Variants in ZIC3 observed in about 807,000 individuals in gnomAD.
ZIC3 encodes zinc finger protein ZIC 3.
A neutral mutation model predicts 18.3 loss-of-function variants in ZIC3; 6 were observed. The observed-to-expected ratio is 0.33, with a 90% CI of 0.18 to 0.65. The LOEUF is 0.65. ZIC3 is among the 30% of genes least tolerant of loss of function. The pLI, the probability that ZIC3 is intolerant of heterozygous loss-of-function variation, is 0.75. For synonymous variants in ZIC3, 175 were observed against 177.0 expected, an observed-to-expected ratio of 0.99 and a Z score of 0.09; for missense variants, 260 against 410.0, an observed-to-expected ratio of 0.63 and a Z score of 3.16.
At chrX:137,568,247 G>T (rs1278025388) in intron 1 of ZIC3, among the ~76,000 whole-genome samples, 1 of 111,925 alleles carries the variant, frequency 8.9e-6, no homozygotes, top group Non-Finnish European at 1.9e-5. Context: ...GGAGTTCCAG[G>T]TTCAATTCAG....
downstream of ZIC3, among the ~76,000 whole-genome samples, chrX:137,576,439 G>A (rs985378683): frequency 1.8e-5 from 2 of 111,758 alleles, no homozygotes; most frequent in African/African-American, 6.5e-5. Context: ...ATTTGACATG[G>A]TAAAACTGGT....
chrX:137,568,375 T>TATCTATC (rs1556030127), intron 1 of ZIC3, among the ~76,000 whole-genome samples: 1 of 110,734 alleles, frequency 9.0e-6, no homozygotes, highest in Non-Finnish European at 1.9e-5. Flanking sequence ...TCTATCTATC[T>TATCTATC]ATCTATCTAT....
intron 2 of ZIC3, chrX:137,577,109 GT>G: frequency 2.0e-6 from 1 of 506,236 alleles, no homozygotes; most frequent in Non-Finnish European, 3.6e-6. Context: ...TTCACTTTTT[GT>G]TTTTTTGCCA....
In ZIC3 at chrX:137,566,472, A is replaced by ACCCC; in HGVS notation, c.-219_-218insCCCC. On this transcript the variant is annotated 5_prime_UTR_variant, in exon 1 of 3. Transcript: ENST00000287538. ...CTCCTCCCTCCTCCTCCCCCCGCCA[A>ACCCC]CACCCCCTCCCTGCTCTTTCTTCCC... 4 of 151,011 alleles carry ACCCC rather than the reference A, an allele frequency of 2.6e-5. No individual in the cohort carries two copies. Among genetic ancestry groups the ACCCC allele is most frequent in the South Asian group, 1.3e-4 (1 of 7,874 alleles). 12.4% of individuals were successfully genotyped at this position (151,011 alleles called of 1,213,427 possible).
exon 3 of ZIC3, chrX:137,577,412 G>A (rs1014209582): frequency 1.5e-5 from 5 of 325,893 alleles, no homozygotes; most frequent in Non-Finnish European, 2.7e-5. Flanking sequence ...GCAATCATTT[G>A]TGAAATGAAA....
Position 137,570,088 on chromosome X carries a change from G to T in ZIC3, c.*18G>T, listed in dbSNP as rs1353226105. 8.3e-7 allele frequency: 1 copy of T among 1,205,158 alleles called. No individual in the cohort carries two copies. The highest frequency in any genetic ancestry group is 1.7e-5 in the African/African-American group (1 of 57,640). The stretch of plus-strand genomic sequence containing the variant: ...ACGTCTGAGGACAAACACAAACCCT[G>T]TTAATTATAGAATGGACCAAATACA... On this transcript the variant is annotated 3_prime_UTR_variant, in exon 3 of 3. Transcript: ENST00000287538.
At chrX:137,569,252 A>G (rs1347539186) in intron 2 of ZIC3, among the ~76,000 whole-genome samples, 187 bp downstream of exon 2, 1 of 103,582 alleles carries the variant, frequency 9.7e-6, no homozygotes, top group Non-Finnish European at 2.0e-5. Context: ...GGCGGGAGTG[A>G]GCAAAGTTGG....
rs1163015907 is a variant in ZIC3 at position 137,570,885 on chromosome X, C to G, written c.*815C>G. On this transcript the variant is annotated 3_prime_UTR_variant, in exon 3 of 3. Coordinates refer to ENST00000287538, the MANE Select transcript of ZIC3 (RefSeq NM_003413.4). ...TCTCTTGTTTTGTAACAGCCTTCTT[C>G]TACAAAGAGGAGATGTGAGCAAATT... The G allele has an allele frequency of 8.9e-6, 1 of 112,887 alleles. No individual in the cohort carries two copies. The highest frequency in any genetic ancestry group is 3.2e-5 in the African/African-American group (1 of 30,969). The allele number at this position is 112,887 out of a possible 1,213,427, so 9.3% of individuals were successfully genotyped here. A position where few individuals can be genotyped will look rare whatever the true frequency, so the allele number is the denominator to read the frequency against.
At chrX:137,573,121 G>C (rs759621882), downstream of ZIC3, among the ~76,000 whole-genome samples, 133 of 70,191 alleles carry the variant, frequency 1.9e-3, no homozygotes, top group African/African-American at 7.4e-3. Context: ...CAACCTTAGA[G>C]AGTAAGTACC....
chrX:137,577,426 C>A, exon 3 of ZIC3: 2 of 327,748 alleles, frequency 6.1e-6, no homozygotes, highest in African/African-American at 2.6e-5. Context: ...AATGAAAAAG[C>A]AAAAAAACTC....
In ZIC3 at chrX:137,566,754, G is replaced by A; in HGVS notation, c.63G>A (p.Ala21=). The A allele has an allele frequency of 8.4e-7, 1 of 1,190,184 alleles. No individual in the cohort carries two copies. The highest frequency in any genetic ancestry group is 1.1e-6 in the Non-Finnish European group (1 of 886,083). ...FPGLGVGSFG[A]PRHHEMPNRE... ...GGCTGGGAGTGGGCAGCTTCGGCGCGCCGCGCCACCACGAGATGCCCAACC... is the reference window on the plus strand; with the variant it reads ...GGCTGGGAGTGGGCAGCTTCGGCGCACCGCGCCACCACGAGATGCCCAACC... Residue 21 remains alanine, a synonymous_variant, in exon 1 of 3, where the codon GCG becomes GCA. Coordinates refer to ENST00000287538, the MANE Select transcript of ZIC3 (RefSeq NM_003413.4).
downstream of ZIC3, among the ~76,000 whole-genome samples, chrX:137,574,880 T>C (rs892809293): frequency 6.2e-5 from 7 of 112,295 alleles, no homozygotes; most frequent in Non-Finnish European, 1.1e-4. Context: ...CGCGGGGGAA[T>C]GTAGGTCGTG....
At chrX:137,575,334 T>C (rs975302890), downstream of ZIC3, among the ~76,000 whole-genome samples, 19 of 111,496 alleles carry the variant, frequency 1.7e-4, no homozygotes, top group African/African-American at 4.9e-4. Flanking sequence ...GCACTGTAGC[T>C]TTGGTGTGTG....
rs890917329 is a variant in ZIC3 at position 137,567,755 on chromosome X, A to G, written c.1060+4A>G. 4 of 1,211,926 alleles carry G rather than the reference A, an allele frequency of 3.3e-6. No homozygotes were observed. The highest frequency in any genetic ancestry group is 4.5e-6 in the Non-Finnish European group (4 of 895,665). On this transcript the variant is annotated splice_donor_region_variant and intron_variant, in intron 1 of 2. Transcript: ENST00000287538. Reference sequence around the variant, plus strand: ...ATCCACAAGAGGACCCACACAGGTAAGGGAAAAAAGCAGGCGGGCGTGGGT... The same window carrying G: ...ATCCACAAGAGGACCCACACAGGTAGGGGAAAAAAGCAGGCGGGCGTGGGT...
intron 1 of ZIC3, 24 bp from the exon 2 acceptor site, chrX:137,568,878 C>A (rs201336440): frequency 1.6e-5 from 19 of 1,208,117 alleles, no homozygotes; most frequent in South Asian, 7.1e-5. Flanking sequence ...TATTTTACCC[C>A]CCTTGGGTTT....
chrX:137,570,143 T>C lies in ZIC3; in HGVS notation c.*73T>C. 1 of 1,131,207 alleles carries C rather than the reference T, an allele frequency of 8.8e-7. No individual in the cohort carries two copies. The highest frequency in any genetic ancestry group is 1.8e-5 in the South Asian group (1 of 55,004). The allele number at this position is 1,131,207 out of a possible 1,213,427, so 93.2% of individuals were successfully genotyped here. ...TAAAAGAAAACTGAGACCAATCAGA[T>C]GGAAATGGAGTTTTAAGGCAAGAGG... On this transcript the variant is annotated 3_prime_UTR_variant, in exon 3 of 3. Transcript: ENST00000287538.
Position 137,566,238 on chromosome X carries a change from A to C in ZIC3, c.-454A>C. The C allele has an allele frequency of 1.3e-5, 2 of 155,924 alleles. No homozygotes were observed. Among genetic ancestry groups the C allele is most frequent in the Non-Finnish European group, 2.4e-5 (2 of 81,954 alleles). The allele number at this position is 155,924 out of a possible 1,213,427, so 12.8% of individuals were successfully genotyped here. ...CCCGCTGCCCGCCTGCCCGGCCGCT[A>C]GCCGGCTCCGCCACTTGGCGCAGCC... On this transcript the variant is annotated 5_prime_UTR_variant, in exon 1 of 3. Coordinates refer to ENST00000287538, the MANE Select transcript of ZIC3 (RefSeq NM_003413.4).
intron 1 of ZIC3, chrX:137,568,686 G>GCC: frequency 3.3e-5 from 3 of 90,108 alleles, no homozygotes; most frequent in Non-Finnish European, 2.0e-5. Flanking sequence ...GGCCGGCCCC[G>GCC]CCCCACCCCC....
downstream of ZIC3, among the ~76,000 whole-genome samples, chrX:137,576,124 C>G (rs1458040037): frequency 9.5e-6 from 1 of 105,310 alleles, no homozygotes; most frequent in Non-Finnish European, 1.9e-5. Flanking sequence ...CCCACCCCCT[C>G]GCTGGAATAG....
Sources: gnomAD v4.1 joint callset for allele counts (sites outside exome capture counted in the v4.1 genomes callset) on GRCh38, gnomAD v4.1.1 for gene constraint, MANE v1.5 for transcripts, NCBI Gene and HGNC (gene_info 2026-07-23, HGNC 2026-07-21) for gene names.